RBFOX2: variants seen among roughly 807,000 people sequenced by gnomAD.
RBFOX2 encodes the protein RNA binding protein fox-1 homolog 2.
A neutral mutation model predicts 49.1 loss-of-function variants in RBFOX2; 10 were observed. The ratio of observed to expected loss-of-function variants is 0.20; its 90% confidence interval spans 0.13 to 0.35. The LOEUF (loss-of-function observed/expected upper bound fraction) is 0.35. Ranked by LOEUF, RBFOX2 falls within the 10% of genes least tolerant of loss-of-function variation. The pLI, the probability that RBFOX2 is intolerant of heterozygous loss-of-function variation, is 1.00. For synonymous variants in RBFOX2, 183 were observed against 187.4 expected, an observed-to-expected ratio of 0.98 and a Z score of 0.19; for missense variants, 323 against 486.9, an observed-to-expected ratio of 0.66 and a Z score of 3.17.
At chr22:36,027,842 C>T (rs1044644136) in intron 1 of RBFOX2, among the ~76,000 whole-genome samples, 20 of 152,246 alleles carry the variant, frequency 1.3e-4, no homozygotes, top group South Asian at 2.1e-4. Context: ...AAAGGTACTC[C>T]CTCTTCTCGG....
At chr22:35,979,370 A>C (rs2057349601) in intron 1 of RBFOX2, among the ~76,000 whole-genome samples, 1 of 152,246 alleles carries the variant, frequency 6.6e-6, no homozygotes, top group Non-Finnish European at 1.5e-5. Flanking sequence ...AAGTCTGTGG[A>C]TGGATGGTCG....
intron 2 of RBFOX2, among the ~76,000 whole-genome samples, chr22:35,788,347 T>C (rs1329271247): frequency 1.3e-5 from 2 of 152,206 alleles, no homozygotes; most frequent in Non-Finnish European, 2.9e-5. Flanking sequence ...CAGAAATATT[T>C]TGATTTATGG....
At chr22:35,773,858 G>T (rs992941233) in intron 4 of RBFOX2, among the ~76,000 whole-genome samples, 1 of 152,052 alleles carries the variant, frequency 6.6e-6, no homozygotes, top group Non-Finnish European at 1.5e-5. Context: ...TAGAAAGTCT[G>T]ACCCACAATG....
chr22:35,944,370 A>G (rs1244213952), intron 1 of RBFOX2, among the ~76,000 whole-genome samples: 9 of 152,216 alleles, frequency 5.9e-5, no homozygotes, highest in African/African-American at 1.2e-4. Flanking sequence ...GAAATTATCA[A>G]TATCATTTCT....
chr22:35,897,437 CTCCACTTTA>C, intron 1 of RBFOX2: 1 of 854,520 alleles, frequency 1.2e-6, no homozygotes, highest in Non-Finnish European at 2.1e-6. Flanking sequence ...TGTGAATACG[CTCCACTTTA>C]TCCCTTGTTG....
chr22:35,937,754 C>G (rs1862856270), intron 1 of RBFOX2, among the ~76,000 whole-genome samples: 1 of 152,122 alleles, frequency 6.6e-6, no homozygotes, highest in Non-Finnish European at 1.5e-5. Flanking sequence ...TCACACCCAG[C>G]TAATTTTTGT....
intron 1 of RBFOX2, among the ~76,000 whole-genome samples, chr22:36,015,566 T>C (rs2059001654): frequency 6.6e-6 from 1 of 152,226 alleles, no homozygotes. Context: ...CATCTTTCAA[T>C]TTTGCCAGTT....
chr22:35,761,902 T>C (rs1939027078), intron 6 of RBFOX2, among the ~76,000 whole-genome samples: 1 of 152,198 alleles, frequency 6.6e-6, no homozygotes, highest in Admixed American at 6.5e-5. Context: ...AATAAAGGTA[T>C]CCATGGGCTG....
chr22:35,877,598 T>A (rs1323496658), intron 1 of RBFOX2, among the ~76,000 whole-genome samples: 1 of 152,152 alleles, frequency 6.6e-6, no homozygotes, highest in Non-Finnish European at 1.5e-5. Context: ...GTTACATGGC[T>A]CAAAACAACC....
chr22:35,848,966 A>G (rs1569378418), intron 1 of RBFOX2, among the ~76,000 whole-genome samples: 1 of 152,164 alleles, frequency 6.6e-6, no homozygotes, highest in Non-Finnish European at 1.5e-5. Flanking sequence ...TCCTAACTTC[A>G]ATTTTTCTTA....
intron 2 of RBFOX2, among the ~76,000 whole-genome samples, chr22:35,786,816 C>T (rs1459347593): frequency 1.3e-5 from 2 of 152,172 alleles, no homozygotes; most frequent in African/African-American, 4.8e-5. Flanking sequence ...AAGCAGCAGA[C>T]TAGGAATTCA....
chr22:35,795,198 G>GAT (rs1050156245), intron 2 of RBFOX2, among the ~76,000 whole-genome samples: 5 of 152,048 alleles, frequency 3.3e-5, no homozygotes, highest in East Asian at 1.9e-4. Flanking sequence ...ATTGATACAG[G>GAT]ATATATATAT....
At chr22:35,958,959 C>T (rs1569511948) in intron 1 of RBFOX2, among the ~76,000 whole-genome samples, 1 of 126,112 alleles carries the variant, frequency 7.9e-6, no homozygotes, top group East Asian at 2.3e-4. Flanking sequence ...ATAGAGAAAA[C>T]TATATATATA....
intron 1 of RBFOX2, among the ~76,000 whole-genome samples, chr22:35,932,626 A>T (rs928426426): frequency 6.6e-6 from 1 of 152,220 alleles, no homozygotes; most frequent in Non-Finnish European, 1.5e-5. Flanking sequence ...CACATCTGTA[A>T]TTCCAGCACT....
chr22:35,857,026 C>T (rs949424510), intron 1 of RBFOX2, among the ~76,000 whole-genome samples: 4 of 152,164 alleles, frequency 2.6e-5, no homozygotes, highest in African/African-American at 7.2e-5. Context: ...AGCGAGACTC[C>T]GTCTCCAAAA....
At chr22:35,832,489 G>A (rs952566837) in intron 1 of RBFOX2, among the ~76,000 whole-genome samples, 1 of 152,208 alleles carries the variant, frequency 6.6e-6, no homozygotes, top group East Asian at 1.9e-4. Flanking sequence ...ATGCTGGGAA[G>A]GAGGCAGGGG....
intron 1 of RBFOX2, among the ~76,000 whole-genome samples, chr22:35,810,913 T>C (rs1248869334): frequency 6.6e-6 from 1 of 152,126 alleles, no homozygotes; most frequent in Non-Finnish European, 1.5e-5. Flanking sequence ...TATATTGTTT[T>C]TAATACTAAA....
At chr22:35,791,035 C>CAA (rs1237437062) in intron 2 of RBFOX2, among the ~76,000 whole-genome samples, 1 of 150,768 alleles carries the variant, frequency 6.6e-6, no homozygotes, top group Non-Finnish European at 1.5e-5. Context: ...CACACACACA[C>CAA]AAAAAAAGCA....
intron 1 of RBFOX2, among the ~76,000 whole-genome samples, chr22:35,888,773 G>A (rs893667224): frequency 2.0e-5 from 3 of 152,144 alleles, no homozygotes; most frequent in African/African-American, 7.2e-5. Flanking sequence ...AGTTTTCAGT[G>A]TCTTGCCACA....
Sources: allele counts gnomAD v4.1 joint callset (sites outside exome capture counted in the v4.1 genomes callset), GRCh38; gene constraint gnomAD v4.1.1; transcripts MANE v1.5; gene names NCBI Gene and HGNC (gene_info 2026-07-23, HGNC 2026-07-21).